SLC9A9: variants seen among roughly 807,000 people sequenced by gnomAD.
SLC9A9 encodes the protein solute carrier family 9 member A9.
A neutral mutation model predicts 77.8 loss-of-function variants in SLC9A9; 62 were observed. That is an observed-to-expected ratio of 0.80 (90% CI 0.65 to 0.98). SLC9A9 has a LOEUF of 0.98. Among genes scored for constraint, SLC9A9 ranks in the 50% least tolerant of loss-of-function variants. The pLI is 0.00. For synonymous variants in SLC9A9, 320 were observed against 283.5 expected, an observed-to-expected ratio of 1.13 and a Z score of -1.29; for missense variants, 775 against 774.9, an observed-to-expected ratio of 1.00 and a Z score of 0.00.
chr3:143,622,954 T>G (rs2038248247), intron 6 of SLC9A9, among the ~76,000 whole-genome samples: 1 of 152,074 alleles, frequency 6.6e-6, no homozygotes, highest in Middle Eastern at 3.2e-3. Flanking sequence ...GAAAGGCAGC[T>G]GTTGAAATCC....
At chr3:143,475,620 G>A (rs918066973) in intron 11 of SLC9A9, among the ~76,000 whole-genome samples, 21 of 151,976 alleles carry the variant, frequency 1.4e-4, no homozygotes, top group South Asian at 8.3e-4. Flanking sequence ...GTGAAACCCC[G>A]TCTCTACTAC....
intron 2 of SLC9A9, among the ~76,000 whole-genome samples, chr3:143,807,759 G>C (rs1235003433): frequency 2.0e-5 from 3 of 151,968 alleles, no homozygotes; most frequent in Admixed American, 2.0e-4. Flanking sequence ...AAAGAAAAAA[G>C]AAAAGAAAAG....
At chr3:143,673,269 T>C (rs982109112) in intron 5 of SLC9A9, among the ~76,000 whole-genome samples, 3 of 152,086 alleles carry the variant, frequency 2.0e-5, no homozygotes, top group African/African-American at 7.2e-5. Flanking sequence ...GTTGGAGAAT[T>C]CATACAGGGA....
chr3:143,401,929 T>TC (rs1205716502), intron 12 of SLC9A9, among the ~76,000 whole-genome samples: 10 of 152,350 alleles, frequency 6.6e-5, no homozygotes, highest in Admixed American at 2.0e-4. Context: ...GAAGTCTTTC[T>TC]AGAAGCTGAA....
chr3:143,489,496 A>G (rs2035704732), intron 11 of SLC9A9, among the ~76,000 whole-genome samples: 1 of 151,988 alleles, frequency 6.6e-6, no homozygotes, highest in East Asian at 1.9e-4. Context: ...ATAAAGCTAC[A>G]GTAATCAAAG....
intron 4 of SLC9A9, among the ~76,000 whole-genome samples, chr3:143,783,632 G>A (rs1056130799): frequency 3.3e-5 from 5 of 152,008 alleles, no homozygotes; most frequent in African/African-American, 1.2e-4. Context: ...ATCATAAATG[G>A]GGAAAAATGA....
intron 2 of SLC9A9, among the ~76,000 whole-genome samples, chr3:143,802,985 T>A (rs1283473004): frequency 7.2e-5 from 11 of 152,126 alleles, no homozygotes; most frequent in Non-Finnish European, 1.2e-4. Flanking sequence ...AGGCTGCTAA[T>A]CTTCTCTTGC....
chr3:143,715,232 T>A (rs1346257760), intron 4 of SLC9A9, among the ~76,000 whole-genome samples: 1 of 152,228 alleles, frequency 6.6e-6, no homozygotes, highest in Non-Finnish European at 1.5e-5. Flanking sequence ...AGGGTCTGTA[T>A]GGGCTCCCTT....
intron 4 of SLC9A9, among the ~76,000 whole-genome samples, chr3:143,784,420 C>T (rs977625101): frequency 6.6e-6 from 1 of 152,082 alleles, no homozygotes; most frequent in East Asian, 1.9e-4. Context: ...AGTGAGTTAG[C>T]TCTTCTATGG....
chr3:143,423,242 CGCGTGT>C (rs1187072773), intron 12 of SLC9A9, among the ~76,000 whole-genome samples: 2 of 125,440 alleles, frequency 1.6e-5, no homozygotes, highest in Non-Finnish European at 3.3e-5. Context: ...TGTACACACG[CGCGTGT>C]ACACACACAC....
At chr3:143,596,319 C>CACACACACTCATACACAGAGAGAT (rs1559985527) in intron 6 of SLC9A9, among the ~76,000 whole-genome samples, 2 of 152,164 alleles carry the variant, frequency 1.3e-5, no homozygotes, top group African/African-American at 2.4e-5. Context: ...TGCACAAACA[C>CACACACACTCATACACAGAGAGAT]ACACACACTC....
intron 12 of SLC9A9, among the ~76,000 whole-genome samples, chr3:143,450,033 AC>A (rs2034971546): frequency 9.1e-6 from 1 of 110,122 alleles, no homozygotes; most frequent in Non-Finnish European, 1.7e-5. Context: ...TAATATATAT[AC>A]ATATATGTAT....
intron 4 of SLC9A9, among the ~76,000 whole-genome samples, chr3:143,762,662 T>C (rs986957386): frequency 2.0e-5 from 3 of 152,130 alleles, no homozygotes; most frequent in Admixed American, 6.6e-5. Flanking sequence ...GCCAGAGCAA[T>C]TGATACACCT....
At chr3:143,755,635 A>G (rs2006897845) in intron 4 of SLC9A9, among the ~76,000 whole-genome samples, 1 of 152,174 alleles carries the variant, frequency 6.6e-6, no homozygotes, top group Admixed American at 6.5e-5. Context: ...AAGTCAGATG[A>G]AAGATAGAAA....
At chr3:143,456,586 A>C (rs1176050031) in intron 12 of SLC9A9, among the ~76,000 whole-genome samples, 1 of 145,198 alleles carries the variant, frequency 6.9e-6, no homozygotes, top group African/African-American at 2.6e-5. Flanking sequence ...TTTTTTTGAG[A>C]TAGAGTCTCA....
chr3:143,542,951 A>T (rs1254961735), intron 9 of SLC9A9, among the ~76,000 whole-genome samples: 1 of 152,232 alleles, frequency 6.6e-6, no homozygotes, highest in Non-Finnish European at 1.5e-5. Flanking sequence ...ACATATGTAC[A>T]GAGTTTACTA....
intron 12 of SLC9A9, 123 bp from the exon 13 acceptor site, chr3:143,382,237 C>T (rs907331265): frequency 2.0e-6 from 2 of 1,003,450 alleles, no homozygotes; most frequent in Non-Finnish European, 3.2e-6. Context: ...AGAAAACTAT[C>T]CTACGTCTTC....
In SLC9A9 at chr3:143,336,160, A is replaced by C. The variant is rs149029150; in HGVS notation, c.1604+27324T>G. On this transcript the variant is annotated intron_variant, in intron 14 of 15. Coordinates refer to ENST00000316549, the MANE Select transcript of SLC9A9 (RefSeq NM_173653.4). ...ACAAGCATATGAAAAGATGCTCAATATCTCTAATCATCAGGAGACTACATA... is the reference window on the plus strand; with the variant it reads ...ACAAGCATATGAAAAGATGCTCAATCTCTCTAATCATCAGGAGACTACATA... Among the ~76,000 whole-genome samples, 316 of 152,294 alleles carry C rather than the reference A, an allele frequency of 2.1e-3. 3 individuals are homozygous for C. Among genetic ancestry groups the C allele is most frequent in the African/African-American group, 7.3e-3 (305 of 41,578 alleles).
At chr3:143,418,582 ATTC>A (rs2034240693) in intron 12 of SLC9A9, among the ~76,000 whole-genome samples, 1 of 152,142 alleles carries the variant, frequency 6.6e-6, no homozygotes, top group South Asian at 2.1e-4. Flanking sequence ...TGGTTTCTGT[ATTC>A]TTAAGTCAGT....
Sources: gnomAD v4.1 joint callset for allele counts (sites outside exome capture counted in the v4.1 genomes callset) on GRCh38, gnomAD v4.1.1 for gene constraint, MANE v1.5 for transcripts, NCBI Gene and HGNC (gene_info 2026-07-23, HGNC 2026-07-21) for gene names.